Variants in GABBR2 observed in about 807,000 individuals in gnomAD.
GABBR2 encodes G-protein coupled receptor 51.
Under a neutral mutation model 105.6 loss-of-function variants are expected in GABBR2, and 23 were observed. The observed-to-expected ratio is 0.22, with a 90% CI of 0.16 to 0.31. GABBR2 has a LOEUF of 0.31. GABBR2 is among the 10% of genes least tolerant of loss of function. The pLI, the probability that GABBR2 is intolerant of heterozygous loss-of-function variation, is 1.00. For synonymous variants in GABBR2, 478 were observed against 499.7 expected (o/e 0.96, Z 0.58); for missense variants, 734 against 1,245.5 (o/e 0.59, Z 6.18).
intron 1 of GABBR2, among the ~76,000 whole-genome samples, chr9:98,634,969 C>T (rs908135316): frequency 1.3e-5 from 2 of 152,152 alleles, no homozygotes; most frequent in African/African-American, 2.4e-5. Context: ...TAAATATCTG[C>T]CTCTCTGTAA....
At chr9:98,642,773 T>C (rs1251842147) in intron 1 of GABBR2, among the ~76,000 whole-genome samples, 11 of 152,216 alleles carry the variant, frequency 7.2e-5, no homozygotes. Context: ...GTGAATGCAC[T>C]GTAACACATT....
chr9:98,577,127 CATGG>C (rs754291458), intron 2 of GABBR2, among the ~76,000 whole-genome samples: 4 of 10,958 alleles, frequency 3.7e-4, no homozygotes, highest in African/African-American at 9.2e-4. Flanking sequence ...TGGGTGGATG[CATGG>C]ATGGATGGAT....
chr9:98,459,242 C>T (rs752485873), intron 6 of GABBR2, among the ~76,000 whole-genome samples: 15 of 152,148 alleles, frequency 9.9e-5, no homozygotes, highest in Non-Finnish European at 2.2e-4. Flanking sequence ...CAGACCAAAG[C>T]TCCCATCAAG....
intron 7 of GABBR2, among the ~76,000 whole-genome samples, chr9:98,438,850 C>T (rs1825980009): frequency 6.6e-6 from 1 of 152,134 alleles, no homozygotes; most frequent in Admixed American, 6.5e-5. Flanking sequence ...ACAAGCTGGC[C>T]AAGAAAATCA....
At chr9:98,660,401 C>G (rs1830242145) in intron 1 of GABBR2, among the ~76,000 whole-genome samples, 1 of 151,914 alleles carries the variant, frequency 6.6e-6, no homozygotes, top group Non-Finnish European at 1.5e-5. Flanking sequence ...TTGCTTGTAC[C>G]AACCTGAGAG....
intron 1 of GABBR2, among the ~76,000 whole-genome samples, chr9:98,612,992 T>C (rs977284636): frequency 6.6e-6 from 1 of 152,214 alleles, no homozygotes; most frequent in Non-Finnish European, 1.5e-5. Flanking sequence ...TTCTACCAAC[T>C]GCTACCTGCT....
chr9:98,465,121 TAAAAAAAAAAAAA>T (rs57747633), intron 6 of GABBR2, among the ~76,000 whole-genome samples: 18 of 21,980 alleles, frequency 8.2e-4, no homozygotes, highest in Non-Finnish European at 1.2e-3. Flanking sequence ...CAATAAATAC[TAAAAAAAAAAAAA>T]AAAAAAAAAA....
At chr9:98,597,258 A>C (rs1328948611) in intron 1 of GABBR2, among the ~76,000 whole-genome samples, 1 of 152,234 alleles carries the variant, frequency 6.6e-6, no homozygotes, top group Non-Finnish European at 1.5e-5. Context: ...ACAACAGAGC[A>C]TACAGAATTT....
rs1027845596 is a variant in GABBR2, at chr9:98,490,517, T to A, written c.732+5896A>T. Among the ~76,000 whole-genome samples the A allele has an allele frequency of 2.6e-5, 4 of 152,302 alleles. No individual in the cohort carries two copies. In the South Asian group the frequency reaches 8.3e-4, roughly 32 times the overall value. On this transcript the variant is annotated intron_variant, in intron 4 of 18. Transcript: ENST00000259455. The stretch of plus-strand genomic sequence containing the variant: ...GTTGTTTGATTTTACAATAAAAGAT[T>A]TTCTTTAAAAGTTCCTGCTCTTTCC...
chr9:98,581,225 G>C (rs1275551528), intron 1 of GABBR2: 9 of 152,426 alleles, frequency 5.9e-5, no homozygotes, highest in Admixed American at 5.2e-4. Context: ...CTTGAGACGG[G>C]AATCGTAGGC....
At chr9:98,396,021 C>T (rs549557349) in intron 8 of GABBR2, among the ~76,000 whole-genome samples, 3 of 152,172 alleles carry the variant, frequency 2.0e-5, no homozygotes, top group South Asian at 4.1e-4. Flanking sequence ...CAGCTTGTGG[C>T]TTTGCCTAGG....
chr9:98,409,695 G>A (rs1465358175), intron 7 of GABBR2, among the ~76,000 whole-genome samples: 1 of 152,130 alleles, frequency 6.6e-6, no homozygotes, highest in African/African-American at 2.4e-5. Context: ...CAGTGTGAAG[G>A]GTCATGGATC....
intron 7 of GABBR2, among the ~76,000 whole-genome samples, chr9:98,449,427 G>T (rs1157286452): frequency 2.6e-5 from 4 of 152,164 alleles, no homozygotes; most frequent in African/African-American, 9.7e-5. Context: ...CAAATCCATT[G>T]CTGACAGGTT....
chr9:98,581,210 G>C (rs1039027752), intron 1 of GABBR2: 1 of 152,428 alleles, frequency 6.6e-6, no homozygotes, highest in African/African-American at 2.4e-5. Context: ...CTGGAAGAGG[G>C]AACACTTGAG....
At chr9:98,686,252 C>T (rs1453365626) in intron 1 of GABBR2, among the ~76,000 whole-genome samples, 1 of 152,118 alleles carries the variant, frequency 6.6e-6, no homozygotes, top group Non-Finnish European at 1.5e-5. Context: ...GACATTTCCT[C>T]ATAATAATTT....
At chr9:98,500,580 C>T (rs1284746192) in intron 3 of GABBR2, among the ~76,000 whole-genome samples, 3 of 152,212 alleles carry the variant, frequency 2.0e-5, no homozygotes, top group Non-Finnish European at 4.4e-5. Flanking sequence ...TCTGGAGCAG[C>T]GGATCCAGGA....
chr9:98,592,213 T>A (rs1829157092), intron 1 of GABBR2, among the ~76,000 whole-genome samples: 1 of 152,174 alleles, frequency 6.6e-6, no homozygotes, highest in Non-Finnish European at 1.5e-5. Flanking sequence ...AAGTGCAACT[T>A]ACTAAGTGAG....
chr9:98,451,314 A>G (rs1352773555), intron 7 of GABBR2, among the ~76,000 whole-genome samples: 1 of 152,194 alleles, frequency 6.6e-6, no homozygotes, highest in East Asian at 1.9e-4. Flanking sequence ...TTTTATAACA[A>G]GGAGTTCTGA....
At position 98,388,334 on chromosome 9, in the gene GABBR2, C is replaced by A. The variant is rs895442536; in HGVS notation, c.1529+520G>T. On this transcript the variant is annotated intron_variant, in intron 10 of 18. Transcript: ENST00000259455. The surrounding 1 kb of genome is among the most constrained non-coding windows in gnomAD (Gnocchi z 4.4). ...ATGAGGAGTTATCCGGAGGGTCATA[C>A]GGGATGATGGAAGGGAGGGCTTCCT... 6.6e-6 allele frequency among the ~76,000 whole-genome samples: 1 copy of A among 152,088 alleles called. No individual in the cohort carries two copies. Among genetic ancestry groups the A allele is most frequent in the African/African-American group, 2.4e-5 (1 of 41,426 alleles).
Sources: gnomAD v4.1 joint callset for allele counts (sites outside exome capture counted in the v4.1 genomes callset) on GRCh38, gnomAD v4.1.1 for gene constraint, Gnocchi (gnomAD v3.1) non-coding constraint, MANE v1.5 for transcripts, NCBI Gene and HGNC (gene_info 2026-07-23, HGNC 2026-07-21) for gene names.